KCNJ6: variants seen among roughly 807,000 people sequenced by gnomAD.
KCNJ6 encodes the protein potassium inwardly rectifying channel subfamily J member 6.
Under a neutral mutation model 34.2 loss-of-function variants are expected in KCNJ6, and 9 were observed. The ratio of observed to expected loss-of-function variants is 0.26; its 90% confidence interval spans 0.16 to 0.46. The LOEUF (loss-of-function observed/expected upper bound fraction) is 0.46, where lower values mean the gene tolerates loss of function less well. Ranked by LOEUF, KCNJ6 falls within the 20% of genes least tolerant of loss-of-function variation. KCNJ6 has a pLI of 1.00. For synonymous variants in KCNJ6, 196 were observed against 207.1 expected (o/e 0.95, Z 0.46); for missense variants, 236 against 531.3 (o/e 0.44, Z 5.46).
At chr21:37,686,655 C>T (rs138091637) in intron 3 of KCNJ6, among the ~76,000 whole-genome samples, 11,352 of 151,654 alleles carry the variant, frequency 0.075, 1,061 homozygotes, top group African/African-American at 0.21. Context: ...TTTGTAGAGA[C>T]GGGGTTTCAG....
At chr21:37,866,909 C>T (rs2055625450) in intron 1 of KCNJ6, among the ~76,000 whole-genome samples, 1 of 152,222 alleles carries the variant, frequency 6.6e-6, no homozygotes, top group Non-Finnish European at 1.5e-5. Flanking sequence ...TTTTCTGATT[C>T]TAGCTATTCA....
chr21:37,906,328 G>A (rs191898761), intron 1 of KCNJ6, among the ~76,000 whole-genome samples: 1,622 of 152,312 alleles, frequency 0.011, 15 homozygotes, highest in Middle Eastern at 0.041. Context: ...TCCATTTCTA[G>A]TTGTGACCCT....
chr21:37,903,657 T>G (rs945661187), intron 1 of KCNJ6, among the ~76,000 whole-genome samples: 2 of 152,124 alleles, frequency 1.3e-5, no homozygotes, highest in African/African-American at 4.8e-5. Flanking sequence ...CTCCTCACTC[T>G]ATTTATCACT....
chr21:37,758,035 G>A (rs975508773), intron 2 of KCNJ6, among the ~76,000 whole-genome samples: 10 of 152,214 alleles, frequency 6.6e-5, no homozygotes, highest in Admixed American at 2.6e-4. Context: ...TGGGTTGAGG[G>A]TGTGGGGATG....
chr21:37,820,729 G>T (rs2123553568), intron 2 of KCNJ6, among the ~76,000 whole-genome samples: 1 of 152,320 alleles, frequency 6.6e-6, no homozygotes, highest in African/African-American at 2.4e-5. Flanking sequence ...CAAATATTCA[G>T]ATAATTTGTT....
At chr21:37,686,655 C>G (rs138091637) in intron 3 of KCNJ6, among the ~76,000 whole-genome samples, 1 of 151,578 alleles carries the variant, frequency 6.6e-6, no homozygotes, top group Non-Finnish European at 1.5e-5. Flanking sequence ...TTTGTAGAGA[C>G]GGGGTTTCAG....
intron 3 of KCNJ6, among the ~76,000 whole-genome samples, chr21:37,693,894 T>C (rs1266194706): frequency 2.0e-5 from 3 of 151,814 alleles, no homozygotes; most frequent in African/African-American, 4.8e-5. Context: ...ATTTCTTCCA[T>C]GTGCCCACTA....
chr21:37,656,564 C>G (rs149258476), intron 3 of KCNJ6, among the ~76,000 whole-genome samples: 1 of 152,196 alleles, frequency 6.6e-6, no homozygotes, highest in Non-Finnish European at 1.5e-5. Context: ...CCTCTCCCAG[C>G]CTCCCCATGG....
rs2054321231 is a variant in KCNJ6 at position 37,628,679 on chromosome 21, T to TA, written c.947-3196dup. On this transcript the variant is annotated intron_variant, in intron 3 of 3. Transcript: ENST00000609713. Reference sequence around the variant, plus strand: ...AATGAAAACCATTAATCTATACATCTAAAAAACTTAACAAACCACAAGTAA... The same window carrying TA: ...AATGAAAACCATTAATCTATACATCTAAAAAAACTTAACAAACCACAAGTAA... Among the ~76,000 whole-genome samples, 3 of 152,264 alleles carry TA rather than the reference T, an allele frequency of 2.0e-5. No individual in the cohort carries two copies. The South Asian group carries it at 6.2e-4, about 32-fold the overall frequency.
chr21:37,714,697 C>A lies in KCNJ6; in HGVS notation c.460G>T (p.Gly154Cys). 6.2e-7 allele frequency: 1 copy of A among 1,614,076 alleles called. No individual in the cohort carries two copies. The highest frequency in any genetic ancestry group is 8.5e-7 in the Non-Finnish European group (1 of 1,180,004). Reference protein sequence around the residue: ...LFSIETETTIGYGYRVITDKC... With the variant: ...LFSIETETTICYGYRVITDKC... Reference sequence around the variant, plus strand: ...TCTGTGATGACCCGGTAGCCATAACCAATGGTGGTTTCTGTCTCTATTGAG... The same window carrying A: ...TCTGTGATGACCCGGTAGCCATAACAAATGGTGGTTTCTGTCTCTATTGAG... Residue 154 changes from glycine to cysteine, a missense_variant, in exon 3 of 4, where the codon GGT becomes TGT. By Grantham distance (159) the Gly-to-Cys change is radical. Transcript: ENST00000609713. This position sits in a 1 kb window ranked among gnomAD's most constrained non-coding sequence, Gnocchi z 5.9.
intron 2 of KCNJ6, among the ~76,000 whole-genome samples, chr21:37,819,450 T>C (rs536870411): frequency 6.6e-6 from 1 of 152,330 alleles, no homozygotes; most frequent in East Asian, 1.9e-4. Flanking sequence ...TTGAGAATGC[T>C]TGGAGATTGA....
chr21:37,796,992 A>G (rs1030550855), intron 2 of KCNJ6, among the ~76,000 whole-genome samples: 4 of 150,234 alleles, frequency 2.7e-5, no homozygotes, highest in African/African-American at 9.8e-5. Flanking sequence ...ACGGGGTTTC[A>G]CCTTGTTAGC....
chr21:37,815,736 C>G (rs748516367), intron 2 of KCNJ6, among the ~76,000 whole-genome samples: 10 of 152,150 alleles, frequency 6.6e-5, no homozygotes, highest in South Asian at 2.1e-4. Flanking sequence ...GGCTCAGACT[C>G]GAAGGAGCAG....
intron 2 of KCNJ6, among the ~76,000 whole-genome samples, chr21:37,822,518 T>C (rs765615110): frequency 6.6e-6 from 1 of 152,188 alleles, no homozygotes; most frequent in Non-Finnish European, 1.5e-5. Context: ...GTACGGGCTA[T>C]TGTTTTATGC....
intron 2 of KCNJ6, among the ~76,000 whole-genome samples, chr21:37,789,563 G>A (rs561562661): frequency 1.8e-4 from 28 of 152,276 alleles, no homozygotes; most frequent in Non-Finnish European, 3.4e-4. Context: ...ATTTTGTCAT[G>A]GAAACCTGAG....
chr21:37,741,634 C>T (rs1302413706), intron 2 of KCNJ6, among the ~76,000 whole-genome samples: 1 of 152,192 alleles, frequency 6.6e-6, no homozygotes, highest in Non-Finnish European at 1.5e-5. Flanking sequence ...TAAGCATCCT[C>T]ATCACCTGAT....
intron 2 of KCNJ6, among the ~76,000 whole-genome samples, chr21:37,840,186 G>A (rs1406655122): frequency 2.0e-5 from 3 of 152,186 alleles, no homozygotes; most frequent in African/African-American, 7.2e-5. Flanking sequence ...ATCATTACAA[G>A]CTATTTATAC....
At chr21:37,629,890 T>C (rs1168067397) in intron 3 of KCNJ6, among the ~76,000 whole-genome samples, 2 of 147,530 alleles carry the variant, frequency 1.4e-5, no homozygotes, top group African/African-American at 2.4e-5. Flanking sequence ...TTATTCATTT[T>C]TATATCAGAA....
intron 1 of KCNJ6, among the ~76,000 whole-genome samples, chr21:37,852,835 G>A (rs2055544063): frequency 6.6e-6 from 1 of 152,120 alleles, no homozygotes; most frequent in Admixed American, 6.5e-5. Context: ...AGCACTTATG[G>A]AGAAGAACTG....
Sources: gnomAD v4.1 joint callset for allele counts (sites outside exome capture counted in the v4.1 genomes callset) on GRCh38, gnomAD v4.1.1 for gene constraint, Gnocchi (gnomAD v3.1) non-coding constraint, MANE v1.5 for transcripts, NCBI Gene and HGNC (gene_info 2026-07-23, HGNC 2026-07-21) for gene names.